Variants in HCN1 observed in about 807,000 individuals in gnomAD.
HCN1 encodes potassium/sodium hyperpolarization-activated cyclic nucleotide-gated channel 1.
HCN1 carries 13 observed loss-of-function variants against 78.9 expected under a neutral mutation model. The ratio of observed to expected loss-of-function variants is 0.16; its 90% CI spans 0.11 to 0.26. The LOEUF (loss-of-function observed/expected upper bound fraction) is 0.26, where lower values mean the gene tolerates loss of function less well. Among genes scored for constraint, HCN1 ranks in the 10% least tolerant of loss-of-function variants. The pLI is 1.00. For synonymous variants in HCN1, 552 were observed against 455.5 expected (o/e 1.21, Z -2.70); for missense variants, 810 against 1,154.3 (o/e 0.70, Z 4.32).
chr5:45,480,656 A>T (rs1579920840), intron 2 of HCN1, among the ~76,000 whole-genome samples: 1 of 152,182 alleles, frequency 6.6e-6, no homozygotes, highest in East Asian at 1.9e-4. Flanking sequence ...GAAGGTCAAG[A>T]ATAAATGTCC....
At chr5:45,311,094 A>G (rs1487302277) in intron 5 of HCN1, among the ~76,000 whole-genome samples, 1 of 152,142 alleles carries the variant, frequency 6.6e-6, no homozygotes, top group African/African-American at 2.4e-5. Context: ...TAATCTGTAC[A>G]ACAAACCCCC....
At chr5:45,446,582 T>G (rs1397432458) in intron 3 of HCN1, among the ~76,000 whole-genome samples, 1 of 152,020 alleles carries the variant, frequency 6.6e-6, no homozygotes, top group African/African-American at 2.4e-5. Context: ...AGACATATAA[T>G]TGTCAGATTC....
At chr5:45,349,303 T>C (rs922632994) in intron 5 of HCN1, among the ~76,000 whole-genome samples, 7 of 152,058 alleles carry the variant, frequency 4.6e-5, no homozygotes, top group African/African-American at 1.7e-4. Context: ...AAGGCAGAAA[T>C]AAAGATGTTC....
intron 2 of HCN1, among the ~76,000 whole-genome samples, chr5:45,638,196 G>A (rs745769224): frequency 2.1e-4 from 32 of 152,086 alleles, no homozygotes; most frequent in Non-Finnish European, 4.1e-4. Context: ...GGGAAAAGGA[G>A]ATTTAAAGAA....
chr5:45,347,617 A>G (rs1031251669), intron 5 of HCN1, among the ~76,000 whole-genome samples: 22 of 152,172 alleles, frequency 1.4e-4, no homozygotes, highest in Non-Finnish European at 7.4e-5. Flanking sequence ...AAAACTTTGA[A>G]AAAAATTTAG....
chr5:45,395,250 G>C (rs1366081790), intron 4 of HCN1, among the ~76,000 whole-genome samples: 3 of 152,056 alleles, frequency 2.0e-5, no homozygotes, highest in African/African-American at 7.2e-5. Context: ...GATTTAACGT[G>C]ATGTAGTCTT....
rs910722527 is a variant in HCN1 at position 45,259,714 on chromosome 5, C to A, written c.*2207G>T. ...ATTTTGCTTATGTTTCCCAATAGTG[C>A]TCAAAATAAAAAACCAAAAATTTAT... is the stretch of plus-strand genomic sequence containing the variant. On this transcript the variant is annotated 3_prime_UTR_variant, in exon 8 of 8. Coordinates refer to ENST00000303230, the MANE Select transcript of HCN1 (RefSeq NM_021072.4). The A allele has an allele frequency of 6.6e-6, 1 of 152,090 alleles. No individual in the cohort carries two copies. Among genetic ancestry groups the A allele is most frequent in the East Asian group, 1.9e-4 (1 of 5,190 alleles). 9.4% of individuals were successfully genotyped at this position (152,090 alleles called of 1,614,324 possible). A position where few individuals can be genotyped will look rare whatever the true frequency, so the allele number is the denominator to read the frequency against.
At chr5:45,496,833 G>A (rs542073894) in intron 2 of HCN1, among the ~76,000 whole-genome samples, 1 of 151,404 alleles carries the variant, frequency 6.6e-6, no homozygotes, top group East Asian at 2.0e-4. Flanking sequence ...TTTCTCTTGT[G>A]GGCATTTAGT....
At chr5:45,273,527 G>T (rs1744998342) in intron 6 of HCN1, among the ~76,000 whole-genome samples, 1 of 152,108 alleles carries the variant, frequency 6.6e-6, no homozygotes, top group Admixed American at 6.6e-5. Context: ...CTCTAAAACT[G>T]AACTTGACAT....
intron 2 of HCN1, among the ~76,000 whole-genome samples, chr5:45,486,132 A>C (rs948806879): frequency 2.6e-5 from 4 of 152,128 alleles, no homozygotes; most frequent in African/African-American, 9.7e-5. Flanking sequence ...AGGCTTCACA[A>C]AATATTTTCT....
At chr5:45,582,619 C>A (rs1744105483) in intron 2 of HCN1, among the ~76,000 whole-genome samples, 1 of 152,112 alleles carries the variant, frequency 6.6e-6, no homozygotes, top group South Asian at 2.1e-4. Flanking sequence ...GGGAATACTT[C>A]CAGTTTTTGC....
At chr5:45,640,457 C>A (rs895575619) in intron 2 of HCN1, among the ~76,000 whole-genome samples, 14 of 152,028 alleles carry the variant, frequency 9.2e-5, no homozygotes, top group African/African-American at 3.4e-4. Context: ...GCATTAGTAA[C>A]CAAATTATCA....
intron 2 of HCN1, among the ~76,000 whole-genome samples, chr5:45,534,913 T>G (rs1742936709): frequency 6.6e-6 from 1 of 152,174 alleles, no homozygotes; most frequent in Non-Finnish European, 1.5e-5. Context: ...AAAACCAATT[T>G]AAGAATAACA....
At chr5:45,430,750 A>T (rs1183812947) in intron 3 of HCN1, among the ~76,000 whole-genome samples, 1 of 152,076 alleles carries the variant, frequency 6.6e-6, no homozygotes, top group African/African-American at 2.4e-5. Flanking sequence ...TGAACATGGG[A>T]GGTGGAGCTT....
intron 5 of HCN1, among the ~76,000 whole-genome samples, chr5:45,307,777 T>G: frequency 6.6e-6 from 1 of 151,996 alleles, no homozygotes; most frequent in East Asian, 1.9e-4. Flanking sequence ...TAAAGAAAAC[T>G]AAGGGAATCT....
At chr5:45,560,169 C>G (rs916929852) in intron 2 of HCN1, among the ~76,000 whole-genome samples, 2 of 152,056 alleles carry the variant, frequency 1.3e-5, no homozygotes, top group Non-Finnish European at 2.9e-5. Context: ...GGGTCACTTG[C>G]TTTATTGCTA....
At chr5:45,328,805 C>T (rs1464811287) in intron 5 of HCN1, among the ~76,000 whole-genome samples, 5 of 151,636 alleles carry the variant, frequency 3.3e-5, no homozygotes, top group African/African-American at 1.2e-4. Flanking sequence ...TCTACCACTG[C>T]TCTGAAAGTG....
intron 6 of HCN1, among the ~76,000 whole-genome samples, chr5:45,271,079 A>G (rs1020003557): frequency 2.0e-5 from 3 of 152,144 alleles, no homozygotes; most frequent in Non-Finnish European, 4.4e-5. Context: ...CTTTTAAAAT[A>G]CTGTTTAAAG....
At chr5:45,379,824 C>T (rs1293604119) in intron 4 of HCN1, among the ~76,000 whole-genome samples, 2 of 151,720 alleles carry the variant, frequency 1.3e-5, no homozygotes, top group Non-Finnish European at 2.9e-5. Context: ...ATAATAAAAA[C>T]CAATAGGAAT....
Sources: gnomAD v4.1 joint callset for allele counts (sites outside exome capture counted in the v4.1 genomes callset) on GRCh38, gnomAD v4.1.1 for gene constraint, MANE v1.5 for transcripts, NCBI Gene and HGNC (gene_info 2026-07-23, HGNC 2026-07-21) for gene names.